The following CLCN1 variants were observed in gnomAD, a reference collection of about 807,000 sequenced individuals.
CLCN1 encodes the protein chloride channel protein 1.
Under a neutral mutation model 114.5 loss-of-function variants are expected in CLCN1, and 100 were observed. The ratio of observed to expected loss-of-function variants is 0.87; its 90% CI spans 0.74 to 1.03. CLCN1 has a LOEUF of 1.03. Among genes scored for constraint, CLCN1 ranks in the 50% least tolerant of loss-of-function variants. CLCN1 has a pLI of 0.00. For synonymous variants in CLCN1, 485 were observed against 487.1 expected (o/e 1.00, Z 0.06); for missense variants, 1,188 against 1,250.0 (o/e 0.95, Z 0.75).
rs1803268480 is a variant in CLCN1, at chr7:143,347,051, T to G, written c.2403+102T>G. ...TATTGTGTTGTCATGAAATAGAATG[T>G]GGTCTGGATGGGAAGTGTTTTGAGA... On this transcript the variant is annotated intron_variant, in intron 20 of 22. Coordinates refer to ENST00000343257, the MANE Select transcript of CLCN1 (RefSeq NM_000083.3). 4.8e-6 allele frequency: 5 copies of G among 1,041,202 alleles called. No individual in the cohort carries two copies. The South Asian group carries it at 6.3e-5, about 13-fold the overall frequency. 64.5% of individuals were successfully genotyped at this position (1,041,202 alleles called of 1,614,324 possible). A position where few individuals can be genotyped will look rare whatever the true frequency, so the allele number is the denominator to read the frequency against.
intron 20 of CLCN1, among the ~76,000 whole-genome samples, chr7:143,348,192 CA>C (rs1295657450): frequency 4.6e-5 from 7 of 152,108 alleles, no homozygotes; most frequent in Admixed American, 3.9e-4. Flanking sequence ...CCCACCCCCT[CA>C]AAACACACAC....
In CLCN1 at chr7:143,350,263, G is replaced by C; in HGVS notation, c.2404-109G>C. 1 of 790,516 alleles carries C rather than the reference G, an allele frequency of 1.3e-6. No homozygotes were observed. Among genetic ancestry groups the C allele is most frequent in the Non-Finnish European group, 2.2e-6 (1 of 453,512 alleles). The allele number at this position is 790,516 out of a possible 1,614,324, so 49.0% of individuals were successfully genotyped here. On this transcript the variant is annotated intron_variant, in intron 20 of 22. Transcript: ENST00000343257. This position sits in a 1 kb window ranked among gnomAD's most constrained non-coding sequence, Gnocchi z 5.1. ...GGGGATCTATGATCAGTTCTTGCAT[G>C]TTCCCAGATTCTGGGCAGCGGCTAG...
In CLCN1 at chr7:143,323,298, C is replaced by G. The variant is rs774358653; in HGVS notation, c.697-11C>G. Reference sequence around the variant, plus strand: ...CCTCTGACCCCCGCCCCCTCGCTCCCCCTCTCCCAGGGCCCCTTCGTCCAC... The same window carrying G: ...CCTCTGACCCCCGCCCCCTCGCTCCGCCTCTCCCAGGGCCCCTTCGTCCAC... On this transcript the variant is annotated splice_polypyrimidine_tract_variant and intron_variant, in intron 5 of 22. Transcript: ENST00000343257. The G allele has an allele frequency of 1.3e-6, 2 of 1,590,982 alleles. No individual in the cohort carries two copies. Among genetic ancestry groups the G allele is most frequent in the Non-Finnish European group, 1.7e-6 (2 of 1,159,020 alleles).
In CLCN1 at chr7:143,321,914, T is replaced by G; in HGVS notation, c.696+66T>G. The G allele has an allele frequency of 3.8e-6, 6 of 1,561,698 alleles. No homozygotes were observed. Among genetic ancestry groups the G allele is most frequent in the Non-Finnish European group, 5.2e-6 (6 of 1,145,964 alleles). On this transcript the variant is annotated intron_variant, in intron 5 of 22. Coordinates refer to ENST00000343257, the MANE Select transcript of CLCN1 (RefSeq NM_000083.3). This position sits in a 1 kb window ranked among gnomAD's most constrained non-coding sequence, Gnocchi z 4.2. ...TCAGGAGCCAGGGTGGCACCAACTC[T>G]AGAGGGAGCTCTGGGAGTGGAAGTG... is the stretch of plus-strand genomic sequence containing the variant.
chr7:143,331,194 G>T, intron 8 of CLCN1, 38 bp from the exon 9 acceptor site: 1 of 1,447,264 alleles, frequency 6.9e-7, no homozygotes, highest in Non-Finnish European at 9.7e-7. Flanking sequence ...GGGTTTCTAC[G>T]AAGCTCCCAT....
At position 143,324,577 on chromosome 7, in the gene CLCN1, T is replaced by C; in HGVS notation, c.853+85T>C. The C allele has an allele frequency of 1.0e-6, 1 of 987,116 alleles. No homozygotes were observed. The allele number at this position is 987,116 out of a possible 1,614,324, so 61.1% of individuals were successfully genotyped here. On this transcript the variant is annotated intron_variant, in intron 7 of 22. Transcript: ENST00000343257. This position sits in a 1 kb window ranked among gnomAD's most constrained non-coding sequence, Gnocchi z 4.6. ...TTTAATCAGTATCCACAAGTGCTGGTATTACCAGGTTACTTACGAGAATAG... is the reference window on the plus strand; with the variant it reads ...TTTAATCAGTATCCACAAGTGCTGGCATTACCAGGTTACTTACGAGAATAG...
At position 143,350,411 on chromosome 7, in the gene CLCN1, T is replaced by C. The variant is rs752494680; in HGVS notation, c.2443T>C (p.Cys815Arg). ...WEQEQLSQPV[C>R]FDSCCIDQSP... ...GCAGGAGCAGCTGAGCCAGCCTGTC[T>C]GTTTTGATTCCTGCTGTATTGACCA... The change falls in exon 21 of 23, where the codon TGT becomes CGT. Residue 815 changes from cysteine to arginine, a missense_variant. Cys to Arg is a radical substitution (Grantham distance 180, BLOSUM62 -3). Coordinates refer to ENST00000343257, the MANE Select transcript of CLCN1 (RefSeq NM_000083.3). The surrounding 1 kb of genome is among the most constrained non-coding windows in gnomAD (Gnocchi z 5.1). The C allele has an allele frequency of 9.9e-6, 16 of 1,614,120 alleles. No individual in the cohort carries two copies. The highest frequency in any genetic ancestry group is 1.4e-5 in the Non-Finnish European group (16 of 1,180,036).
rs577872565 is a variant in CLCN1 at position 143,339,896 on chromosome 7, G to T, written c.1582+275G>T. On this transcript the variant is annotated intron_variant, in intron 14 of 22. Transcript: ENST00000343257. This position sits in a 1 kb window ranked among gnomAD's most constrained non-coding sequence, Gnocchi z 4.1. ...GATTGTGTCTGGATGTTTGATAAGG[G>T]TTCTGTCTTTCCTTCCCAAGAATCA... Among the ~76,000 whole-genome samples, 36 of 152,258 alleles carry T rather than the reference G, an allele frequency of 2.4e-4. No homozygotes were observed. In the South Asian group the frequency reaches 5.4e-3, roughly 23 times the overall value.
rs1563071875 is a variant in CLCN1 at position 143,316,244 on chromosome 7, G to A, written c.32G>A (p.Gly11Asp). The A allele has an allele frequency of 6.2e-7, 1 of 1,613,624 alleles. No homozygotes were observed. Among genetic ancestry groups the A allele is most frequent in the Non-Finnish European group, 8.5e-7 (1 of 1,179,814 alleles). ...CAATCCCGGTCACAGCAGCGTGGGG[G>A]TGAACAAAGCTGGTGGGGTAGTGAC... MEQSRSQQRG[G>D]EQSWWGSDPQ... Residue 11 changes from glycine to aspartate, a missense_variant, in exon 1 of 23, where the codon GGT becomes GAT. Transcript: ENST00000343257.
At position 143,345,569 on chromosome 7, in the gene CLCN1, TC is replaced by T; in HGVS notation, c.1981del (p.Leu661CysfsTer133). The T allele has an allele frequency of 6.5e-7, 1 of 1,547,054 alleles. No homozygotes were observed. Among genetic ancestry groups the T allele is most frequent in the East Asian group, 2.5e-5 (1 of 40,800 alleles). On this transcript the variant is annotated frameshift_variant, in exon 17 of 23. Coordinates refer to ENST00000343257, the MANE Select transcript of CLCN1 (RefSeq NM_000083.3). LOFTEE classifies it high-confidence loss of function. ...GSVERSELQA[L>X]LQRHLCPERR... ...GTGGAGCGGTCGGAACTGCAGGCCC[TC>T]CTGCAGCGCCACCTGTGTCCTGAGC...
At chr7:143,329,932 C>T (rs538040049) in intron 7 of CLCN1, among the ~76,000 whole-genome samples, 4 of 152,236 alleles carry the variant, frequency 2.6e-5, no homozygotes, top group African/African-American at 9.6e-5. Context: ...CCCTCACTCG[C>T]ATTCCTTACT....
At chr7:143,336,604 CAAAAAAAAAAA>C (rs573516521) in intron 12 of CLCN1, among the ~76,000 whole-genome samples, 1 of 80,432 alleles carries the variant, frequency 1.2e-5, no homozygotes, top group African/African-American at 4.7e-5. Flanking sequence ...AAGACTCTGT[CAAAAAAAAAAA>C]AAAAAAAAAA....
rs149398431 is a variant in CLCN1, at chr7:143,318,684, G to A, written c.181-1071G>A. On this transcript the variant is annotated intron_variant, in intron 1 of 22. Coordinates refer to ENST00000343257, the MANE Select transcript of CLCN1 (RefSeq NM_000083.3). Reference sequence around the variant, plus strand: ...CCCAGCCCAGGTATGATGATATGAAGCAACCCCCTTCCTTGTCTCCACTGG... The same window carrying A: ...CCCAGCCCAGGTATGATGATATGAAACAACCCCCTTCCTTGTCTCCACTGG... Among the ~76,000 whole-genome samples, 327 of 152,238 alleles carry A rather than the reference G, an allele frequency of 2.1e-3. 2 individuals carry two copies. The highest frequency in any genetic ancestry group is 6.8e-3 in the African/African-American group (284 of 41,536).
intron 1 of CLCN1, among the ~76,000 whole-genome samples, chr7:143,318,637 G>A (rs1802350492): frequency 6.6e-6 from 1 of 152,210 alleles, no homozygotes; most frequent in Non-Finnish European, 1.5e-5. Context: ...AGCCAGAACA[G>A]ATCTGGCCCT....
In CLCN1 at chr7:143,331,613, T is replaced by C; in HGVS notation, c.1127T>C (p.Val376Ala). The C allele has an allele frequency of 6.2e-7, 1 of 1,614,124 alleles. No individual in the cohort carries two copies. The highest frequency in any genetic ancestry group is 8.5e-7 in the Non-Finnish European group (1 of 1,179,990). ...CTGCATCGCCAAGTCATGCTCGGTG[T>C]CCGAAAGCACAAGGCCCTCAGCCAG... ...VYLHRQVMLGVRKHKALSQFL... is the reference protein window; with the variant it reads ...VYLHRQVMLGARKHKALSQFL... The change falls in exon 10 of 23, where the codon GTC becomes GCC. Residue 376 changes from valine to alanine, a missense_variant. Val to Ala is a moderately conservative substitution (Grantham distance 64). Coordinates refer to ENST00000343257, the MANE Select transcript of CLCN1 (RefSeq NM_000083.3).
chr7:143,330,908 A>G lies in CLCN1; in HGVS notation c.979+11A>G. On this transcript the variant is annotated intron_variant, in intron 8 of 22. Transcript: ENST00000343257. ...GGAACAAGGATGCTGGTAACCAAGG[A>G]GGCCTTGGGTGGAGGCCATGTGAAA... The G allele has an allele frequency of 6.2e-7, 1 of 1,614,152 alleles. No homozygotes were observed. Among genetic ancestry groups the G allele is most frequent in the Non-Finnish European group, 8.5e-7 (1 of 1,180,024 alleles).
At chr7:143,334,579 T>A (rs536439276) in intron 12 of CLCN1, among the ~76,000 whole-genome samples, 85 of 152,212 alleles carry the variant, frequency 5.6e-4, no homozygotes, top group African/African-American at 9.9e-4. Flanking sequence ...AGAAAAAAAA[T>A]TTTTAAATAT....
Position 143,332,770 on chromosome 7 carries a change from G to A in CLCN1, c.1298G>A (p.Trp433Ter), listed in dbSNP as rs1486868849. Reference sequence around the variant, plus strand: ...AGTACTTTGTTTGACAACAATACATGGGTGAAACACGCGGGTGATCCTGAG... The same window carrying A: ...AGTACTTTGTTTGACAACAATACATAGGTGAAACACGCGGGTGATCCTGAG... ...AISTLFDNNT[W>*]VKHAGDPESL... The change falls in exon 12 of 23, where the codon TGG becomes TAG. Residue 433 changes from tryptophan (W) to a stop codon, truncating the protein, a stop_gained. Coordinates refer to ENST00000343257, the MANE Select transcript of CLCN1 (RefSeq NM_000083.3). LOFTEE classifies it high-confidence loss of function. 1 of 1,614,076 alleles carries A rather than the reference G, an allele frequency of 6.2e-7. No homozygotes were observed. Among genetic ancestry groups the A allele is most frequent in the Non-Finnish European group, 8.5e-7 (1 of 1,180,030 alleles).
chr7:143,335,402 A>C (rs1042274680), intron 12 of CLCN1, among the ~76,000 whole-genome samples: 2 of 152,184 alleles, frequency 1.3e-5, no homozygotes, highest in Non-Finnish European at 2.9e-5. Flanking sequence ...ATAATATCCT[A>C]TAATATTTAC....
Sources: gnomAD v4.1 joint callset for allele counts (sites outside exome capture counted in the v4.1 genomes callset) on GRCh38, gnomAD v4.1.1 for gene constraint, Gnocchi (gnomAD v3.1) non-coding constraint, MANE v1.5 for transcripts, NCBI Gene and HGNC (gene_info 2026-07-23, HGNC 2026-07-21) for gene names.